Variants in NAALADL2 observed in about 807,000 individuals in gnomAD.
NAALADL2 encodes the protein N-acetylated alpha-linked acidic dipeptidase like 2.
Under a neutral mutation model 87.2 loss-of-function variants are expected in NAALADL2, and 76 were observed. That is an observed-to-expected ratio of 0.87 (90% CI 0.72 to 1.05). The LOEUF (loss-of-function observed/expected upper bound fraction) is 1.05, where lower values mean the gene tolerates loss of function less well. Among genes scored for constraint, NAALADL2 ranks in the 50% least tolerant of loss-of-function variants. The pLI, the probability that NAALADL2 is intolerant of heterozygous loss-of-function variation, is 0.00. For missense variants in NAALADL2, 1,089 were observed against 945.8 expected, an observed-to-expected ratio of 1.15 and a Z score of -1.99; for synonymous variants, 354 against 331.0, an observed-to-expected ratio of 1.07 and a Z score of -0.75.
chr3:175,287,933 T>C (rs947071906), intron 4 of NAALADL2, among the ~76,000 whole-genome samples: 2 of 152,196 alleles, frequency 1.3e-5, no homozygotes, highest in African/African-American at 4.8e-5. Flanking sequence ...CGATATCTAT[T>C]GATATTATTA....
At chr3:175,573,805 A>C (rs910839497) in intron 9 of NAALADL2, among the ~76,000 whole-genome samples, 4 of 152,196 alleles carry the variant, frequency 2.6e-5, no homozygotes, top group African/African-American at 7.2e-5. Context: ...AGCTTTGAAA[A>C]GAAGCAAATT....
At chr3:174,917,752 T>C (rs535546448) in intron 1 of NAALADL2, among the ~76,000 whole-genome samples, 3 of 152,144 alleles carry the variant, frequency 2.0e-5, no homozygotes, top group Admixed American at 2.0e-4. Flanking sequence ...TTTGTCTTTT[T>C]TGAGCCACCA....
chr3:175,360,010 T>G (rs894328534), intron 5 of NAALADL2, among the ~76,000 whole-genome samples: 3 of 152,168 alleles, frequency 2.0e-5, no homozygotes, highest in Non-Finnish European at 2.9e-5. Context: ...ATTTTGTGAA[T>G]GTTAAATTGA....
chr3:175,719,524 C>T (rs1211732397), intron 11 of NAALADL2, among the ~76,000 whole-genome samples: 1 of 152,172 alleles, frequency 6.6e-6, no homozygotes, highest in Non-Finnish European at 1.5e-5. Context: ...AATGAAATAA[C>T]CGTTATGCAT....
At chr3:175,768,851 C>CA (rs35173343) in intron 13 of NAALADL2, among the ~76,000 whole-genome samples, 22,693 of 100,510 alleles carry the variant, frequency 0.23, 1,972 homozygotes, top group Middle Eastern at 0.29. Context: ...GACTTTGTCT[C>CA]AAAAAAAAAA....
At chr3:174,546,016 T>C (rs1722699268) in intron 1 of NAALADL2, among the ~76,000 whole-genome samples, 1 of 151,826 alleles carries the variant, frequency 6.6e-6, no homozygotes, top group African/African-American at 2.4e-5. Flanking sequence ...TTGGTCTTTT[T>C]CATGTTGAGG....
intron 1 of NAALADL2, among the ~76,000 whole-genome samples, chr3:174,980,801 C>T (rs1745008823): frequency 7.0e-6 from 1 of 142,180 alleles, no homozygotes; most frequent in African/African-American, 2.5e-5. Context: ...ATAACTGTTC[C>T]TCACTTGATT....
chr3:175,496,395 TTTCTC>T (rs200332723), intron 9 of NAALADL2, among the ~76,000 whole-genome samples: 2,449 of 151,832 alleles, frequency 0.016, 57 homozygotes, highest in African/African-American at 0.056. Context: ...AAAAATAAAT[TTTCTC>T]TACCCATATA....
chr3:174,801,038 C>T (rs1718771587), intron 3 of NAALADL2, among the ~76,000 whole-genome samples: 1 of 152,168 alleles, frequency 6.6e-6, no homozygotes, highest in Non-Finnish European at 1.5e-5. Context: ...GTGGAAAGGA[C>T]TTGTCTTGTC....
chr3:174,968,387 A>G (rs960894503), intron 1 of NAALADL2, among the ~76,000 whole-genome samples: 2 of 152,216 alleles, frequency 1.3e-5, no homozygotes, highest in Non-Finnish European at 2.9e-5. Context: ...TGAGGAAGCC[A>G]AGGCTCAAAT....
chr3:174,568,596 A>G lies in NAALADL2; in HGVS notation c.-115+17959A>G, dbSNP rs150549532. Among the ~76,000 whole-genome samples, 1,417 of 152,052 alleles carry G rather than the reference A, an allele frequency of 9.3e-3. 14 individuals carry two copies. Among genetic ancestry groups the G allele is most frequent in the Admixed American group, 0.014 (221 of 15,262 alleles). ...GAGCCACACAGAAAATCATGCTTTA[A>G]CTATTCAGTGAATGAAGCTGTATCT... is the stretch of plus-strand genomic sequence containing the variant. On this transcript the variant is annotated intron_variant, in intron 2 of 3. Coordinates refer to the NAALADL2 transcript ENST00000434257.
In NAALADL2 at chr3:175,370,170, A is replaced by G. The variant is rs542969424; in HGVS notation, c.1090+45845A>G. ...CTCTGAGTAAAATGGAGAAAAAAAG[A>G]CGTTTTATCTTATATGACTCTATGC... On this transcript the variant is annotated intron_variant, in intron 5 of 13. Coordinates refer to ENST00000454872, the MANE Select transcript of NAALADL2 (RefSeq NM_207015.3). Among the ~76,000 whole-genome samples, 14 of 152,280 alleles carry G rather than the reference A, an allele frequency of 9.2e-5. 1 individual carries two copies. The South Asian group carries it at 2.3e-3, about 25-fold the overall frequency.
In NAALADL2 at chr3:175,758,682, G is replaced by T. The variant is rs970159496; in HGVS notation, c.2189+3264G>T. The stretch of plus-strand genomic sequence containing the variant: ...AAGGAAATATTCAAAGTAAAAATTT[G>T]AGTTTAAGCTAATGAAAAGTAGATT... On this transcript the variant is annotated intron_variant, in intron 13 of 13. Coordinates refer to ENST00000454872, the MANE Select transcript of NAALADL2 (RefSeq NM_207015.3). Among the ~76,000 whole-genome samples, 5 of 151,972 alleles carry T rather than the reference G, an allele frequency of 3.3e-5. No homozygotes were observed. In the East Asian group the frequency reaches 7.7e-4, roughly 23 times the overall value.
chr3:175,678,786 A>T (rs1293098285), intron 11 of NAALADL2, among the ~76,000 whole-genome samples: 1 of 152,132 alleles, frequency 6.6e-6, no homozygotes, highest in Non-Finnish European at 1.5e-5. Context: ...TGATGAGTTA[A>T]TGGGTGCAGC....
chr3:174,726,171 G>GA, intron 2 of NAALADL2, among the ~76,000 whole-genome samples: 1 of 152,144 alleles, frequency 6.6e-6, no homozygotes, highest in South Asian at 2.1e-4. Context: ...GTGGTAAAAG[G>GA]AAAAGGCGGG....
rs183932742 is a variant in NAALADL2 at position 174,775,657 on chromosome 3, G to A, written c.-9+37911G>A. Among the ~76,000 whole-genome samples the A allele has an allele frequency of 5.3e-5, 8 of 152,260 alleles. No homozygotes were observed. In the East Asian group the frequency reaches 1.5e-3, roughly 29 times the overall value. ...TTGAATAAGTCCCTCAGGCCACAGT[G>A]CAGATCTCCCCACAGGGTCCTCCAG... On this transcript the variant is annotated intron_variant, in intron 3 of 3. Coordinates refer to the NAALADL2 transcript ENST00000434257.
chr3:174,749,543 A>G (rs1734618874), intron 3 of NAALADL2, among the ~76,000 whole-genome samples: 2 of 151,514 alleles, frequency 1.3e-5, no homozygotes, highest in African/African-American at 4.8e-5. Flanking sequence ...AATCTATGAC[A>G]TATCCATTTG....
At chr3:175,533,287 A>G (rs1193131620) in intron 9 of NAALADL2, among the ~76,000 whole-genome samples, 1 of 152,184 alleles carries the variant, frequency 6.6e-6, no homozygotes, top group Non-Finnish European at 1.5e-5. Flanking sequence ...CAAGTGTAGC[A>G]CATCTCCTCA....
At chr3:175,214,530 T>A (rs1322205767) in intron 2 of NAALADL2, among the ~76,000 whole-genome samples, 2 of 152,170 alleles carry the variant, frequency 1.3e-5, no homozygotes, top group Non-Finnish European at 2.9e-5. Context: ...GAGCTTTAGG[T>A]GAATTAAATT....
Sources: gnomAD v4.1 joint callset for allele counts (sites outside exome capture counted in the v4.1 genomes callset) on GRCh38, gnomAD v4.1.1 for gene constraint, MANE v1.5 for transcripts, NCBI Gene and HGNC (gene_info 2026-07-23, HGNC 2026-07-21) for gene names.